Variants in HPCAL1 observed in about 807,000 individuals in gnomAD.
HPCAL1 encodes hippocalcin-like protein 1.
Under a neutral mutation model 17.1 loss-of-function variants are expected in HPCAL1, and 8 were observed. The ratio of observed to expected loss-of-function variants is 0.47; its 90% CI spans 0.27 to 0.84. The LOEUF is 0.84. Among genes scored for constraint, HPCAL1 ranks in the 40% least tolerant of loss-of-function variants. HPCAL1 has a pLI of 0.13. For missense variants in HPCAL1, 165 were observed against 271.1 expected, an observed-to-expected ratio of 0.61 and a Z score of 2.75; for synonymous variants, 112 against 111.4, an observed-to-expected ratio of 1.01 and a Z score of -0.03.
rs1417574047 is a variant in HPCAL1, at chr2:10,400,864, C to G, written c.-25+3944C>G. On this transcript the variant is annotated intron_variant, in intron 2 of 4. Coordinates refer to ENST00000307845, the MANE Select transcript of HPCAL1 (RefSeq NM_002149.4). The stretch of plus-strand genomic sequence containing the variant: ...TTGGTGGAGGGCTGGGGACATTGTC[C>G]TGGCCCTTCTGCAGGACCGCCAGGT... 2.0e-5 allele frequency among the ~76,000 whole-genome samples: 3 copies of G among 152,226 alleles called. No homozygotes were observed. The East Asian group carries it at 5.8e-4, about 29-fold the overall frequency.
chr2:10,316,702 G>A (rs1361637261), intron 1 of HPCAL1, among the ~76,000 whole-genome samples: 2 of 152,198 alleles, frequency 1.3e-5, no homozygotes, highest in East Asian at 3.8e-4. Context: ...GAGGGATGCT[G>A]GGGCCGGGCT....
rs1182915127 is a variant in HPCAL1, at chr2:10,362,583, G to A, written c.-110-34252G>A. ...GGCCTCCACGGTGTTCTGTTGTAAT[G>A]TTCTGCCACTTGGCAGCCTCACCAG... On this transcript the variant is annotated intron_variant, in intron 1 of 4. Transcript: ENST00000307845. The surrounding 1 kb of genome is among the most constrained non-coding windows in gnomAD (Gnocchi z 5.0). Among the ~76,000 whole-genome samples the A allele has an allele frequency of 6.6e-6, 1 of 152,208 alleles. No homozygotes were observed. Among genetic ancestry groups the A allele is most frequent in the African/African-American group, 2.4e-5 (1 of 41,464 alleles).
At chr2:10,358,292 C>T (rs1974677) in intron 1 of HPCAL1, among the ~76,000 whole-genome samples, 81,167 of 152,154 alleles carry the variant, frequency 0.53, 22,411 homozygotes, top group East Asian at 0.81. Context: ...CTTCCATTTT[C>T]GTTAATAGAA....
chr2:10,357,137 C>T (rs1475838734), intron 1 of HPCAL1, among the ~76,000 whole-genome samples: 3 of 152,110 alleles, frequency 2.0e-5, no homozygotes, highest in African/African-American at 7.2e-5. Flanking sequence ...GTGATGCTGT[C>T]CAGGCTTGAC....
chr2:10,387,073 C>T (rs1668362729), intron 1 of HPCAL1, among the ~76,000 whole-genome samples: 2 of 152,222 alleles, frequency 1.3e-5, no homozygotes, highest in Admixed American at 6.5e-5. Flanking sequence ...GAGCCTGTTT[C>T]TCATCTGCAG....
chr2:10,368,088 G>A (rs768441185), intron 1 of HPCAL1, among the ~76,000 whole-genome samples: 1 of 152,118 alleles, frequency 6.6e-6, no homozygotes, highest in Non-Finnish European at 1.5e-5. Context: ...GTGTAGGTGT[G>A]TGCCTGTGTG....
At chr2:10,375,385 G>C (rs1667490117) in intron 1 of HPCAL1, among the ~76,000 whole-genome samples, 2 of 152,150 alleles carry the variant, frequency 1.3e-5, no homozygotes, top group South Asian at 4.1e-4. Context: ...CCCCTCCCAG[G>C]ACTCGGGGCT....
chr2:10,410,294 G>A (rs911998377), intron 2 of HPCAL1, among the ~76,000 whole-genome samples: 2 of 152,292 alleles, frequency 1.3e-5, no homozygotes, highest in South Asian at 2.1e-4. Context: ...GTTCCCAGGA[G>A]CCTCACTGAG....
At chr2:10,408,073 C>A (rs1670085084) in intron 2 of HPCAL1, among the ~76,000 whole-genome samples, 1 of 152,204 alleles carries the variant, frequency 6.6e-6, no homozygotes, top group African/African-American at 2.4e-5. Flanking sequence ...TGTGCAGGGA[C>A]AGCCACCCAC....
intron 3 of HPCAL1, among the ~76,000 whole-genome samples, chr2:10,421,329 CA>C (rs1671050563): frequency 6.6e-6 from 1 of 152,326 alleles, no homozygotes; most frequent in Non-Finnish European, 1.5e-5. Flanking sequence ...TTCACTTGGC[CA>C]GGTGCCTAGG....
At position 10,343,195 on chromosome 2, in the gene HPCAL1, A is replaced by G. The variant is rs1257931304; in HGVS notation, c.-111+40018A>G. Among the ~76,000 whole-genome samples, 1 of 152,034 alleles carries G rather than the reference A, an allele frequency of 6.6e-6. No homozygotes were observed. The highest frequency in any genetic ancestry group is 1.5e-5 in the Non-Finnish European group (1 of 68,000). On this transcript the variant is annotated intron_variant, in intron 1 of 4. Transcript: ENST00000307845. This position sits in a 1 kb window ranked among gnomAD's most constrained non-coding sequence, Gnocchi z 4.8. ...TCCATGGTAGTTGGTAAATAGCCCC[A>G]TCACCCCTCTCCTGGGACCCTGGAC... is the stretch of plus-strand genomic sequence containing the variant.
At chr2:10,381,744 G>A (rs1294961323) in intron 1 of HPCAL1, among the ~76,000 whole-genome samples, 3 of 152,184 alleles carry the variant, frequency 2.0e-5, no homozygotes, top group Non-Finnish European at 4.4e-5. Context: ...GATGAGAATG[G>A]CCCAAATCCA....
At chr2:10,410,436 C>CTTTTTTTTTTTTT (rs36002921) in intron 2 of HPCAL1, among the ~76,000 whole-genome samples, 29 of 77,524 alleles carry the variant, frequency 3.7e-4, no homozygotes, top group South Asian at 6.0e-4. Context: ...TCTTCTTCTT[C>CTTTTTTTTTTTTT]TTTTTTTTTT....
intron 1 of HPCAL1, among the ~76,000 whole-genome samples, chr2:10,340,396 G>A (rs1021176769): frequency 6.6e-6 from 1 of 152,098 alleles, no homozygotes; most frequent in South Asian, 2.1e-4. Context: ...CCACTATCTT[G>A]ATAAACATGT....
chr2:10,400,629 ATTTAGGGTGACTTGGGATGAC>A, intron 2 of HPCAL1, among the ~76,000 whole-genome samples: 2 of 152,258 alleles, frequency 1.3e-5, no homozygotes, highest in Middle Eastern at 3.4e-3. Context: ...TGAGGGTTAT[ATTTAGGGTGACTTGGGATGAC>A]TTGGCAGTAT....
intron 1 of HPCAL1, among the ~76,000 whole-genome samples, chr2:10,309,777 C>T (rs545288202): frequency 6.6e-6 from 1 of 152,272 alleles, no homozygotes; most frequent in South Asian, 2.1e-4. Context: ...CATTTTCACT[C>T]TTTGAGGAAG....
chr2:10,406,577 C>T (rs1669982895), intron 2 of HPCAL1, among the ~76,000 whole-genome samples: 1 of 152,246 alleles, frequency 6.6e-6, no homozygotes, highest in South Asian at 2.1e-4. Flanking sequence ...ACTGAAAACC[C>T]CAACTTCGCC....
Position 10,342,313 on chromosome 2 carries a change from G to A in HPCAL1, c.-111+39136G>A, listed in dbSNP as rs1010893526. Among the ~76,000 whole-genome samples, 1 of 152,140 alleles carries A rather than the reference G, an allele frequency of 6.6e-6. No individual in the cohort carries two copies. The highest frequency in any genetic ancestry group is 1.5e-5 in the Non-Finnish European group (1 of 68,022). The stretch of plus-strand genomic sequence containing the variant: ...CAGGCCGAGGTGGGGACCCTGCCTC[G>A]CCCGCCTCCAGGGGCACACTGCATT... On this transcript the variant is annotated intron_variant, in intron 1 of 4. Coordinates refer to ENST00000307845, the MANE Select transcript of HPCAL1 (RefSeq NM_002149.4). The surrounding 1 kb of genome is among the most constrained non-coding windows in gnomAD (Gnocchi z 4.1).
chr2:10,419,521 C>T lies in HPCAL1; in HGVS notation c.-24-213C>T, dbSNP rs550794312. ...CACATTCTCCAAGTGAGAACGTGTC[C>T]CGCAGTGTGAGGGTGAGCTGTCGTG... is the stretch of plus-strand genomic sequence containing the variant. On this transcript the variant is annotated intron_variant, in intron 2 of 4. Transcript: ENST00000307845. This position sits in a 1 kb window ranked among gnomAD's most constrained non-coding sequence, Gnocchi z 5.0. Among the ~76,000 whole-genome samples, 3 of 152,082 alleles carry T rather than the reference C, an allele frequency of 2.0e-5. No individual in the cohort carries two copies. Among genetic ancestry groups the T allele is most frequent in the African/African-American group, 7.2e-5 (3 of 41,490 alleles).
Sources: allele counts gnomAD v4.1 joint callset (sites outside exome capture counted in the v4.1 genomes callset), GRCh38; gene constraint gnomAD v4.1.1; non-coding constraint Gnocchi (gnomAD v3.1); transcripts MANE v1.5; gene names NCBI Gene and HGNC (gene_info 2026-07-23, HGNC 2026-07-21).